Variants in LOXL2 observed in about 807,000 individuals in gnomAD.
LOXL2 encodes lysyl oxidase homolog 2.
Under a neutral mutation model 93.0 loss-of-function variants are expected in LOXL2, and 70 were observed. The observed-to-expected ratio is 0.75, with a 90% CI of 0.62 to 0.92. The LOEUF (loss-of-function observed/expected upper bound fraction) is 0.92. Among genes scored for constraint, LOXL2 ranks in the 40% least tolerant of loss-of-function variants. The pLI, the probability that LOXL2 is intolerant of heterozygous loss-of-function variation, is 0.00. For missense variants in LOXL2, 973 were observed against 1,054.9 expected (o/e 0.92, Z 1.08); for synonymous variants, 438 against 413.2 (o/e 1.06, Z -0.73).
At chr8:23,366,808 G>A (rs2117212135) in intron 2 of LOXL2, among the ~76,000 whole-genome samples, 1 of 152,250 alleles carries the variant, frequency 6.6e-6, no homozygotes, top group East Asian at 1.9e-4. Context: ...CTTAGCTCCT[G>A]GAAAAATGTT....
At chr8:23,355,069 C>T (rs554629261) in intron 3 of LOXL2, among the ~76,000 whole-genome samples, 44 of 150,502 alleles carry the variant, frequency 2.9e-4, no homozygotes, top group Middle Eastern at 3.4e-3. Flanking sequence ...ACCTCAACCT[C>T]CCAAGTAGCT....
At chr8:23,309,219 G>T (rs1446677602) in intron 10 of LOXL2, among the ~76,000 whole-genome samples, 1 of 151,966 alleles carries the variant, frequency 6.6e-6, no homozygotes, top group South Asian at 2.1e-4. Context: ...TCCTGACCTC[G>T]TGATCCGCCC....
chr8:23,381,272 C>A (rs1804677533), intron 1 of LOXL2, among the ~76,000 whole-genome samples: 1 of 152,082 alleles, frequency 6.6e-6, no homozygotes, highest in Non-Finnish European at 1.5e-5. Flanking sequence ...AATCAAGTTT[C>A]TAAATTTCTT....
At chr8:23,392,828 TAA>T (rs1336477032) in intron 1 of LOXL2, among the ~76,000 whole-genome samples, 1 of 152,102 alleles carries the variant, frequency 6.6e-6, no homozygotes, top group Non-Finnish European at 1.5e-5. Flanking sequence ...AGGAATCTGC[TAA>T]AAAACTATCA....
At chr8:23,380,337 G>C (rs1250411050) in intron 1 of LOXL2, among the ~76,000 whole-genome samples, 2 of 145,534 alleles carry the variant, frequency 1.4e-5, no homozygotes, top group Non-Finnish European at 3.0e-5. Flanking sequence ...AGGTTGCAGT[G>C]AGGTGAGATC....
intron 7 of LOXL2, among the ~76,000 whole-genome samples, chr8:23,321,030 C>T (rs1391836491): frequency 6.6e-6 from 1 of 151,826 alleles, no homozygotes; most frequent in Non-Finnish European, 1.5e-5. Flanking sequence ...ATCTCCCACT[C>T]TCTTATCTCA....
intron 1 of LOXL2, among the ~76,000 whole-genome samples, chr8:23,402,347 G>A (rs1387356665): frequency 6.6e-6 from 1 of 152,218 alleles, no homozygotes; most frequent in Non-Finnish European, 1.5e-5. Context: ...ACACAGATTA[G>A]TGAGACTCAA....
intron 2 of LOXL2, chr8:23,364,683 A>AT (rs1241117875): frequency 1.4e-5 from 2 of 138,156 alleles, no homozygotes; most frequent in African/African-American, 2.6e-5. Context: ...TAAAAATAGA[A>AT]TTAAAAAAAT....
chr8:23,389,448 T>C (rs1249049794), intron 1 of LOXL2, among the ~76,000 whole-genome samples: 1 of 152,196 alleles, frequency 6.6e-6, no homozygotes, highest in Non-Finnish European at 1.5e-5. Flanking sequence ...ACAATTGGCT[T>C]CCTAGTTCAT....
intron 9 of LOXL2, among the ~76,000 whole-genome samples, chr8:23,315,089 G>A (rs1247806406): frequency 6.6e-6 from 1 of 152,162 alleles, no homozygotes; most frequent in East Asian, 1.9e-4. Context: ...GAGAGGAGGG[G>A]AAGCCACCGC....
chr8:23,357,734 T>C (rs1804223621), intron 3 of LOXL2, among the ~76,000 whole-genome samples: 1 of 152,172 alleles, frequency 6.6e-6, no homozygotes, highest in South Asian at 2.1e-4. Context: ...TAGATTATCC[T>C]GAGGTTCAGG....
intron 12 of LOXL2, among the ~76,000 whole-genome samples, chr8:23,301,029 A>G (rs1803121826): frequency 6.6e-6 from 1 of 152,228 alleles, no homozygotes; most frequent in Non-Finnish European, 1.5e-5. Flanking sequence ...GAATTCTCTG[A>G]AAGCCCCTCT....
intron 3 of LOXL2, among the ~76,000 whole-genome samples, chr8:23,344,502 G>C (rs1803936428): frequency 6.6e-6 from 1 of 151,874 alleles, no homozygotes; most frequent in African/African-American, 2.4e-5. Flanking sequence ...ATGCATGATG[G>C]TGTGTTTCTG....
chr8:23,379,601 G>A (rs1238123306), intron 1 of LOXL2, among the ~76,000 whole-genome samples: 2 of 152,106 alleles, frequency 1.3e-5, no homozygotes, highest in Non-Finnish European at 2.9e-5. Flanking sequence ...GAGCTTCCCA[G>A]TCCCTTTGTT....
chr8:23,315,996 C>T lies in LOXL2; in HGVS notation c.1636+953G>A, dbSNP rs137907337. On this transcript the variant is annotated intron_variant, in intron 9 of 13. Coordinates refer to ENST00000389131, the MANE Select transcript of LOXL2 (RefSeq NM_002318.3). ...GGGAGCTGGTAAGATGGTGATCTCG[C>T]CATCTCTCCTCTCACAAGGATGTGA... Among the ~76,000 whole-genome samples, 6 of 152,322 alleles carry T rather than the reference C, an allele frequency of 3.9e-5. No homozygotes were observed. In the East Asian group the frequency reaches 1.2e-3, roughly 29 times the overall value.
intron 12 of LOXL2, among the ~76,000 whole-genome samples, chr8:23,299,961 G>A (rs1186830017): frequency 6.6e-6 from 1 of 152,208 alleles, no homozygotes; most frequent in Non-Finnish European, 1.5e-5. Flanking sequence ...GTCCCGCTGG[G>A]GCCCTGTGCC....
chr8:23,316,961 C>T lies in LOXL2; in HGVS notation c.1624G>A (p.Ala542Thr), dbSNP rs1245915356. The T allele has an allele frequency of 3.1e-6, 5 of 1,592,104 alleles. No homozygotes were observed. The highest frequency in any genetic ancestry group is 1.4e-5 in the African/African-American group (1 of 74,004). Residue 542 changes from alanine (A) to threonine (T), a missense_variant, in exon 9 of 14, where the codon GCC becomes ACC. Coordinates refer to ENST00000389131, the MANE Select transcript of LOXL2 (RefSeq NM_002318.3). ...QGGVQYGAGV[A>T]CSETAPDLVL... ...GAGGAGCTCTCACTTTCTGAGCAGG[C>T]AACTCCGGCCCCGTACTGCACTCCG...
intron 1 of LOXL2, among the ~76,000 whole-genome samples, chr8:23,380,057 G>C (rs545765069): frequency 2.0e-5 from 3 of 152,190 alleles, no homozygotes; most frequent in Admixed American, 1.3e-4. Context: ...GACTGAAGCT[G>C]TTCCTATTTG....
chr8:23,310,906 C>A (rs577454012), intron 9 of LOXL2, among the ~76,000 whole-genome samples: 19 of 152,224 alleles, frequency 1.2e-4, no homozygotes, highest in Non-Finnish European at 2.2e-4. Context: ...AGCTTCTTTG[C>A]AAAAGGATTA....
Sources: gnomAD v4.1 joint callset for allele counts (sites outside exome capture counted in the v4.1 genomes callset) on GRCh38, gnomAD v4.1.1 for gene constraint, MANE v1.5 for transcripts, NCBI Gene and HGNC (gene_info 2026-07-23, HGNC 2026-07-21) for gene names.